The following MCUB variants were observed in gnomAD, a reference collection of about 807,000 sequenced individuals.
MCUB encodes calcium uniporter regulatory subunit MCUb, mitochondrial.
Under a neutral mutation model 41.4 loss-of-function variants are expected in MCUB, and 46 were observed. The observed-to-expected ratio is 1.11, with a 90% CI of 0.88 to 1.42. The LOEUF (loss-of-function observed/expected upper bound fraction) is 1.42. Among genes scored for constraint, MCUB ranks in the 40% most tolerant of loss-of-function variants. MCUB has a pLI of 0.00. For synonymous variants in MCUB, 148 were observed against 148.2 expected (o/e 1.00, Z 0.01); for missense variants, 403 against 404.9 (o/e 1.00, Z 0.04).
chr4:109,582,924 A>G (rs1334192079), intron 1 of MCUB, among the ~76,000 whole-genome samples: 3 of 152,014 alleles, frequency 2.0e-5, no homozygotes, highest in African/African-American at 4.8e-5. Context: ...GGGTCTATGT[A>G]TCTGTTTTGG....
At chr4:109,634,042 T>C (rs1728534793) in intron 1 of MCUB, among the ~76,000 whole-genome samples, 1 of 152,158 alleles carries the variant, frequency 6.6e-6, no homozygotes, top group Non-Finnish European at 1.5e-5. Flanking sequence ...AATTTAAATC[T>C]CATTTCAGAG....
At chr4:109,580,587 TG>T (rs1421566225) in intron 1 of MCUB, among the ~76,000 whole-genome samples, 56 of 152,368 alleles carry the variant, frequency 3.7e-4, no homozygotes, top group African/African-American at 1.3e-3. Flanking sequence ...TGGTGTGAGA[TG>T]GCATCTCATT....
intron 1 of MCUB, among the ~76,000 whole-genome samples, chr4:109,658,196 C>T (rs1017606177): frequency 6.6e-6 from 1 of 152,150 alleles, no homozygotes; most frequent in African/African-American, 2.4e-5. Flanking sequence ...CAGCACAGAT[C>T]TAGAGCAGTG....
chr4:109,607,274 A>G (rs1263460528), intron 1 of MCUB, among the ~76,000 whole-genome samples: 3 of 151,448 alleles, frequency 2.0e-5, no homozygotes, highest in East Asian at 1.9e-4. Flanking sequence ...CTGGAGTGCA[A>G]TGGCACGATC....
intron 1 of MCUB, among the ~76,000 whole-genome samples, chr4:109,616,814 T>G (rs1728136880): frequency 6.6e-6 from 1 of 151,970 alleles, no homozygotes; most frequent in Non-Finnish European, 1.5e-5. Flanking sequence ...TAAAATATAC[T>G]TTCTATGGAT....
intron 4 of MCUB, among the ~76,000 whole-genome samples, chr4:109,672,959 T>G (rs1451550713): frequency 6.6e-6 from 1 of 152,270 alleles, no homozygotes; most frequent in African/African-American, 2.4e-5. Context: ...AAAAATAATT[T>G]TTTAAAATTT....
chr4:109,588,496 T>C (rs1727358550), intron 1 of MCUB, among the ~76,000 whole-genome samples: 1 of 152,218 alleles, frequency 6.6e-6, no homozygotes, highest in Non-Finnish European at 1.5e-5. Flanking sequence ...TTTTGATGTT[T>C]GCATTCTGAT....
intron 3 of MCUB, among the ~76,000 whole-genome samples, chr4:109,661,594 A>G (rs1053538553): frequency 6.6e-6 from 1 of 152,162 alleles, no homozygotes; most frequent in African/African-American, 2.4e-5. Context: ...AAAAAACAAG[A>G]TAAATTATGT....
intron 1 of MCUB, among the ~76,000 whole-genome samples, chr4:109,584,297 C>G (rs1214398870): frequency 6.6e-6 from 1 of 152,070 alleles, no homozygotes; most frequent in Non-Finnish European, 1.5e-5. Context: ...GTGGTGATAT[C>G]CCCTTTATCA....
rs550052562 is a variant in MCUB at position 109,677,468 on chromosome 4, G to A, written c.452-5114G>A. On this transcript the variant is annotated intron_variant, in intron 4 of 7. Coordinates refer to ENST00000394650, the MANE Select transcript of MCUB (RefSeq NM_017918.5). The stretch of plus-strand genomic sequence containing the variant: ...GAAAAGGACATGAATTTGAGGGGCC[G>A]GGGCAGAATGCTATGGTTTGAATGT... Among the ~76,000 whole-genome samples the A allele has an allele frequency of 1.7e-3, 254 of 152,274 alleles. 2 individuals are homozygous for A. The highest frequency in any genetic ancestry group is 5.5e-3 in the African/African-American group (230 of 41,556).
chr4:109,622,047 A>G (rs1728260475), intron 1 of MCUB, among the ~76,000 whole-genome samples: 1 of 152,084 alleles, frequency 6.6e-6, no homozygotes. Context: ...ATGCCCAGCT[A>G]ATTTTTGTAT....
intron 1 of MCUB, among the ~76,000 whole-genome samples, chr4:109,650,571 G>A (rs1299588263): frequency 2.0e-5 from 3 of 152,162 alleles, no homozygotes; most frequent in African/African-American, 7.2e-5. Flanking sequence ...ACAGTGGGAA[G>A]ACTATTTTGT....
At chr4:109,632,660 G>C (rs1728499750) in intron 1 of MCUB, among the ~76,000 whole-genome samples, 1 of 137,924 alleles carries the variant, frequency 7.3e-6, no homozygotes, top group Admixed American at 7.8e-5. Context: ...CTGTTGCCCA[G>C]GCTGGAGTGC....
chr4:109,608,785 G>T (rs1437819028), intron 1 of MCUB, among the ~76,000 whole-genome samples: 1 of 152,122 alleles, frequency 6.6e-6, no homozygotes, highest in Non-Finnish European at 1.5e-5. Flanking sequence ...AAAGGCATGA[G>T]CCACCATACC....
At chr4:109,648,517 T>A (rs917975771) in intron 1 of MCUB, 1 of 383,232 alleles carries the variant, frequency 2.6e-6, no homozygotes, top group Admixed American at 3.8e-5. Context: ...TCTTGGGCTG[T>A]CCAGACCAGA....
intron 1 of MCUB, among the ~76,000 whole-genome samples, chr4:109,588,285 G>C (rs1727354296): frequency 6.6e-6 from 1 of 152,326 alleles, no homozygotes; most frequent in South Asian, 2.1e-4. Flanking sequence ...AAGTGAGAGT[G>C]AAATTTTGCA....
At chr4:109,646,636 GATGCTAC>G (rs1266493458) in intron 1 of MCUB, among the ~76,000 whole-genome samples, 1 of 152,160 alleles carries the variant, frequency 6.6e-6, no homozygotes, top group African/African-American at 2.4e-5. Flanking sequence ...TGGACAATGA[GATGCTAC>G]ATAACTTAGA....
intron 1 of MCUB, among the ~76,000 whole-genome samples, chr4:109,599,320 T>G (rs1056788600): frequency 5.9e-5 from 9 of 152,168 alleles, no homozygotes; most frequent in Non-Finnish European, 1.2e-4. Context: ...CAGCCTCCTT[T>G]GGCTGTGTGT....
chr4:109,653,731 A>G (rs886670697), intron 1 of MCUB, among the ~76,000 whole-genome samples: 8 of 152,034 alleles, frequency 5.3e-5, no homozygotes, highest in African/African-American at 9.7e-5. Flanking sequence ...CCTGCACCCT[A>G]TATCCAGCTA....
Sources: allele counts gnomAD v4.1 joint callset (sites outside exome capture counted in the v4.1 genomes callset), GRCh38; gene constraint gnomAD v4.1.1; transcripts MANE v1.5; gene names NCBI Gene and HGNC (gene_info 2026-07-23, HGNC 2026-07-21).